Variants in HAL observed in about 807,000 individuals in gnomAD.
The protein encoded by HAL is histidine ammonia-lyase.
HAL carries 85 observed loss-of-function variants against 81.1 expected under a neutral mutation model. The ratio of observed to expected loss-of-function variants is 1.05; its 90% confidence interval spans 0.88 to 1.25. The LOEUF (loss-of-function observed/expected upper bound fraction) is 1.25. Among genes scored for constraint, HAL ranks in the 50% most tolerant of loss-of-function variants. The pLI, the probability that HAL is intolerant of heterozygous loss-of-function variation, is 0.00. For synonymous variants in HAL, 301 were observed against 309.2 expected, an observed-to-expected ratio of 0.97 and a Z score of 0.28; for missense variants, 798 against 836.6, an observed-to-expected ratio of 0.95 and a Z score of 0.57.
intron 18 of HAL, among the ~76,000 whole-genome samples, chr12:95,977,718 T>C (rs2080739338): frequency 6.6e-6 from 1 of 151,864 alleles, no homozygotes; most frequent in African/African-American, 2.4e-5. Context: ...CCTTGGTTCT[T>C]AATCTTTAGT....
rs560694162 is a variant in HAL at position 95,973,337 on chromosome 12, G to A, written c.*895C>T. On this transcript the variant is annotated 3_prime_UTR_variant, in exon 21 of 21. Transcript: ENST00000261208. ...AAATAGATGCAGTAATACACTCTAG[G>A]GCTCCATCTGACCTTTATCAATAGG... 2.5e-4 allele frequency: 38 copies of A among 152,144 alleles called. No individual in the cohort carries two copies. The highest frequency in any genetic ancestry group is 8.4e-4 in the African/African-American group (35 of 41,504). 9.4% of individuals were successfully genotyped at this position (152,144 alleles called of 1,614,324 possible).
At chr12:95,984,246 G>T (rs958699789) in intron 14 of HAL, among the ~76,000 whole-genome samples, 2 of 152,160 alleles carry the variant, frequency 1.3e-5, no homozygotes, top group African/African-American at 2.4e-5. Context: ...AAGCAGCATG[G>T]TGTGGGAGGA....
intron 18 of HAL, among the ~76,000 whole-genome samples, 170 bp downstream of exon 18, chr12:95,977,774 G>A (rs117174307): frequency 3.3e-5 from 5 of 151,942 alleles, no homozygotes; most frequent in African/African-American, 7.3e-5. Context: ...AGATTGCTCC[G>A]CTCTCCTCCT....
chr12:95,989,932 A>C, intron 10 of HAL: 1 of 225,942 alleles, frequency 4.4e-6, no homozygotes, highest in East Asian at 1.1e-4. Context: ...GATGAAGAAA[A>C]CACCAAAGCT....
chr12:95,975,698 C>A (rs1298676144), intron 20 of HAL, among the ~76,000 whole-genome samples: 1 of 152,122 alleles, frequency 6.6e-6, no homozygotes, highest in Non-Finnish European at 1.5e-5. Context: ...TGGCAGCAGG[C>A]AAGCAGCTTC....
In HAL at chr12:95,995,113, T is replaced by C. The variant is rs969367411; in HGVS notation, c.248-120A>G. 16 of 786,932 alleles carry C rather than the reference T, an allele frequency of 2.0e-5. No individual in the cohort carries two copies. In the African/African-American group the frequency reaches 2.0e-4, roughly 10 times the overall value. 48.7% of individuals were successfully genotyped at this position (786,932 alleles called of 1,614,324 possible). On this transcript the variant is annotated intron_variant, in intron 2 of 20. Coordinates refer to ENST00000261208, the MANE Select transcript of HAL (RefSeq NM_002108.4). ...TCTATAGAAATGGCTGCTTTAAAAC[T>C]GCTTCAGATGGTTTCATGTGGTCTT...
intron 18 of HAL, among the ~76,000 whole-genome samples, chr12:95,977,707 T>A (rs1436052380): frequency 1.3e-5 from 2 of 151,358 alleles, no homozygotes; most frequent in Admixed American, 1.3e-4. Context: ...TCTGCATGGT[T>A]CCTTGGTTCT....
In HAL at chr12:95,976,669, T is replaced by C. The variant is rs751744158; in HGVS notation, c.1692A>G (p.Ile564Met). 5 of 1,612,916 alleles carry C rather than the reference T, an allele frequency of 3.1e-6. No individual in the cohort carries two copies. The South Asian group carries it at 5.5e-5, about 18-fold the overall frequency. Residue 564 changes from isoleucine (I) to methionine (M), a missense_variant, in exon 19 of 21, where the codon ATA (isoleucine) becomes ATG (methionine). Physicochemically the swap from Ile to Met is conservative, Grantham distance 10. Transcript: ENST00000261208. ...AIELLAACQG[I>M]EFLRPLKTTT... ...TTGTTTTCAGGGGACGTAGAAACTC[T>C]ATGCCCTGGCAGGCTGCAAGGAGCT...
chr12:95,993,552 G>A (rs1949997069), intron 7 of HAL, 64 bp from the exon 8 acceptor site: 2 of 1,081,858 alleles, frequency 1.8e-6, no homozygotes, highest in East Asian at 4.7e-5. Context: ...CCTCAGCTGG[G>A]AAAATGAAGG....
At chr12:95,989,495 A>T (rs1358578075) in intron 10 of HAL, 1 of 152,314 alleles carries the variant, frequency 6.6e-6, no homozygotes, top group Non-Finnish European at 1.5e-5. Context: ...TGCCCAGAAC[A>T]TTCCTTCTCC....
chr12:95,979,264 T>G (rs912431395), intron 17 of HAL, among the ~76,000 whole-genome samples: 1 of 152,218 alleles, frequency 6.6e-6, no homozygotes, highest in African/African-American at 2.4e-5. Flanking sequence ...AGGGGTATTT[T>G]ATTAATAAGC....
chr12:95,986,692 C>A (rs1949892971), intron 12 of HAL, among the ~76,000 whole-genome samples: 1 of 152,048 alleles, frequency 6.6e-6, no homozygotes, highest in Admixed American at 6.6e-5. Context: ...TCTAAATAAG[C>A]TACCAATTCG....
chr12:95,992,795 T>C lies in HAL; in HGVS notation c.600A>G (p.Lys200=). The stretch of plus-strand genomic sequence containing the variant: ...TCCGACACCTCTCAGGACTTAGTGG[T>C]TTCCCAACACCTGCAAAACAGAATT... ...LVRSHSSGVG[K]PLSPERCRML... The change falls in exon 9 of 21, where the codon AAA becomes AAG. Residue 200 remains lysine (K), a synonymous_variant. Coordinates refer to ENST00000261208, the MANE Select transcript of HAL (RefSeq NM_002108.4). 6.2e-7 allele frequency: 1 copy of C among 1,613,184 alleles called. No individual in the cohort carries two copies. Among genetic ancestry groups the C allele is most frequent in the Non-Finnish European group, 8.5e-7 (1 of 1,179,202 alleles).
At position 95,995,874 on chromosome 12, in the gene HAL, G is replaced by GCCATTCCCCACGTACGTGCA; in HGVS notation, c.17_36dup (p.Leu13CysfsTer27). 6.2e-7 allele frequency: 1 copy of GCCATTCCCCACGTACGTGCA among 1,607,622 alleles called. No individual in the cohort carries two copies. The highest frequency in any genetic ancestry group is 8.5e-7 in the Non-Finnish European group (1 of 1,179,924). On this transcript the variant is annotated frameshift_variant, in exon 2 of 21. Transcript: ENST00000261208. LOFTEE classifies it high-confidence loss of function. ...TGCGCGTCCTGGCAGGGCACTGCCA[G>GCCATTCCCCACGTACGTGCA]CCATTCCCCACGTACGTGCACCGTG...
chr12:95,990,457 G>A lies in HAL; in HGVS notation c.791C>T (p.Ala264Val), dbSNP rs1949954994. 6.2e-7 allele frequency: 1 copy of A among 1,612,536 alleles called. No homozygotes were observed. The highest frequency in any genetic ancestry group is 8.5e-7 in the Non-Finnish European group (1 of 1,178,528). ...SGDLAPLSHLALGLVGEGKMW... is the reference protein window; with the variant it reads ...SGDLAPLSHLVLGLVGEGKMW... ...CTTCCCTTCTCCAACTAGCCCAAGA[G>A]CAAGATGAGAGAGTGGGGCAAGGTC... is the stretch of plus-strand genomic sequence containing the variant. Residue 264 changes from alanine to valine, a missense_variant, in exon 10 of 21, where the codon GCT (alanine) becomes GTT (valine). Ala to Val is a moderately conservative substitution (Grantham distance 64). Transcript: ENST00000261208.
intron 17 of HAL, among the ~76,000 whole-genome samples, chr12:95,978,545 CAG>C (rs142241947): frequency 1.3e-3 from 193 of 152,232 alleles, no homozygotes; most frequent in African/African-American, 4.4e-3. Flanking sequence ...TGGATGTAAA[CAG>C]GGGCTCGATG....
In HAL at chr12:95,987,071, G is replaced by T; in HGVS notation, c.1047C>A (p.Asp349Glu). 1 of 1,612,758 alleles carries T rather than the reference G, an allele frequency of 6.2e-7. No individual in the cohort carries two copies. The highest frequency in any genetic ancestry group is 8.5e-7 in the Non-Finnish European group (1 of 1,179,028). The change falls in exon 12 of 21, where the codon GAC becomes GAA. Residue 349 changes from aspartate to glutamate, a missense_variant. Asp to Glu is a conservative substitution (Grantham distance 45, BLOSUM62 2). Coordinates refer to ENST00000261208, the MANE Select transcript of HAL (RefSeq NM_002108.4). ...AAAAGGAAGAACCCTGCTGACCAGT[G>T]TCAAAGGCTTTGGTGGTGCCCTTCA... Reference protein sequence around the residue: ...EVLKGTTKAFDTDIHALRPHR... With the variant: ...EVLKGTTKAFETDIHALRPHR...
intron 15 of HAL, among the ~76,000 whole-genome samples, chr12:95,981,717 C>T (rs143737288): frequency 0.025 from 3,747 of 152,318 alleles, 65 homozygotes; most frequent in Non-Finnish European, 0.037. Context: ...ACCTTGGCCT[C>T]CCAAAGTGCT....
At chr12:95,975,049 G>A (rs979634408) in intron 20 of HAL, among the ~76,000 whole-genome samples, 1 of 152,192 alleles carries the variant, frequency 6.6e-6, no homozygotes, top group African/African-American at 2.4e-5. Flanking sequence ...CTGGACCTGT[G>A]TGTTTTCTAA....
Sources: gnomAD v4.1 joint callset for allele counts (sites outside exome capture counted in the v4.1 genomes callset) on GRCh38, gnomAD v4.1.1 for gene constraint, MANE v1.5 for transcripts, NCBI Gene and HGNC (gene_info 2026-07-23, HGNC 2026-07-21) for gene names.